CLASP1: variants seen among roughly 807,000 people sequenced by gnomAD.
CLASP1 encodes the protein cytoplasmic linker associated protein 1.
In CLASP1, 38 loss-of-function variants were observed where a neutral mutation model predicts 192.3. That is an observed-to-expected ratio of 0.20 (90% CI 0.15 to 0.26). The LOEUF (loss-of-function observed/expected upper bound fraction) is 0.26. Among genes scored for constraint, CLASP1 ranks in the 10% least tolerant of loss-of-function variants. CLASP1 has a pLI of 1.00. For synonymous variants in CLASP1, 691 were observed against 712.8 expected (o/e 0.97, Z 0.49); for missense variants, 1,433 against 1,932.5 (o/e 0.74, Z 4.85).
intron 1 of CLASP1, among the ~76,000 whole-genome samples, chr2:121,647,509 A>G (rs2073390762): frequency 6.6e-6 from 1 of 152,240 alleles, no homozygotes. Flanking sequence ...ATCTTGCTCT[A>G]TAAAAAGCAA....
intron 25 of CLASP1, among the ~76,000 whole-genome samples, chr2:121,407,092 C>T (rs750347244): frequency 1.3e-5 from 2 of 151,660 alleles, no homozygotes; most frequent in Non-Finnish European, 2.9e-5. Flanking sequence ...GGTGTACCCC[C>T]GTAGTCCCAG....
chr2:121,597,940 C>T (rs887105635), intron 2 of CLASP1, among the ~76,000 whole-genome samples: 3 of 152,194 alleles, frequency 2.0e-5, no homozygotes, highest in African/African-American at 7.2e-5. Flanking sequence ...ACATTTCATC[C>T]CTTCTCACCT....
At chr2:121,636,187 AT>A (rs1278374771) in intron 1 of CLASP1, among the ~76,000 whole-genome samples, 1 of 151,440 alleles carries the variant, frequency 6.6e-6, no homozygotes, top group Non-Finnish European at 1.5e-5. Context: ...AAACACAAAA[AT>A]TAGCCAGGCA....
rs182298771 is a variant in CLASP1 at position 121,402,213 on chromosome 2, C to T, written c.2734-343G>A. Among the ~76,000 whole-genome samples the T allele has an allele frequency of 2.6e-5, 4 of 152,274 alleles. No individual in the cohort carries two copies. The East Asian group carries it at 7.7e-4, about 29-fold the overall frequency. On this transcript the variant is annotated intron_variant, in intron 26 of 39. Transcript: ENST00000263710. ...ACTATTGTGTAGCTATTGCTTTTCA[C>T]GTCAGACATTTTGATGTATACCAAT... is the stretch of plus-strand genomic sequence containing the variant.
At chr2:121,441,767 A>G (rs2083390947) in intron 19 of CLASP1, among the ~76,000 whole-genome samples, 1 of 152,124 alleles carries the variant, frequency 6.6e-6, no homozygotes, top group South Asian at 2.1e-4. Context: ...AATTTCCTTC[A>G]TATTTTAAAA....
intron 3 of CLASP1, among the ~76,000 whole-genome samples, chr2:121,529,990 G>A (rs1050186763): frequency 3.9e-5 from 6 of 152,026 alleles, no homozygotes; most frequent in Admixed American, 2.6e-4. Flanking sequence ...ATGGGGGAGG[G>A]TAAGGGCGCC....
intron 33 of CLASP1, among the ~76,000 whole-genome samples, chr2:121,381,494 G>T (rs1295803060): frequency 1.3e-5 from 2 of 152,134 alleles, no homozygotes; most frequent in East Asian, 3.9e-4. Context: ...GTACTATGTG[G>T]ACCCTTCTTT....
intron 19 of CLASP1, among the ~76,000 whole-genome samples, chr2:121,432,278 C>G (rs991290471): frequency 6.6e-6 from 1 of 152,146 alleles, no homozygotes; most frequent in African/African-American, 2.4e-5. Context: ...CACCACACAC[C>G]TGGCTAATTT....
In CLASP1 at chr2:121,409,570, T is replaced by C. The variant is rs552787559; in HGVS notation, c.2424+1296A>G. 2.6e-5 allele frequency among the ~76,000 whole-genome samples: 4 copies of C among 152,302 alleles called. 1 individual carries two copies. Among genetic ancestry groups the C allele is most frequent in the South Asian group, 2.1e-4 (1 of 4,826 alleles). On this transcript the variant is annotated intron_variant, in intron 24 of 39. Coordinates refer to ENST00000263710, the Ensembl canonical transcript of CLASP1. ...AACTCTCAAGTCCTATTCCGCCTCC[T>C]AGAACTTTACACACAGTCCCTTATG...
intron 8 of CLASP1, among the ~76,000 whole-genome samples, chr2:121,500,362 AAG>A (rs1232262473): frequency 2.3e-5 from 3 of 132,286 alleles, no homozygotes; most frequent in Admixed American, 7.3e-5. Flanking sequence ...GAAAGAAAGA[AAG>A]AAAGAAAGAA....
At chr2:121,339,515 C>T (rs1294975736) in exon 40 of CLASP1, 1 of 152,138 alleles carries the variant, frequency 6.6e-6, no homozygotes, top group Admixed American at 6.6e-5. Context: ...TTCCATTTGG[C>T]TTAAGAATTT....
At chr2:121,430,650 A>C (rs1224517347) in intron 19 of CLASP1, among the ~76,000 whole-genome samples, 1 of 152,142 alleles carries the variant, frequency 6.6e-6, no homozygotes, top group African/African-American at 2.4e-5. Flanking sequence ...AAAAAAGTCT[A>C]CCTTCTTAAC....
chr2:121,644,373 G>A (rs939301668), intron 1 of CLASP1, among the ~76,000 whole-genome samples: 1 of 151,936 alleles, frequency 6.6e-6, no homozygotes, highest in African/African-American at 2.4e-5. Context: ...ACAATGGCCG[G>A]GGGCAGTGGG....
intron 1 of CLASP1, among the ~76,000 whole-genome samples, chr2:121,614,622 T>G (rs2066165707): frequency 6.6e-6 from 1 of 152,240 alleles, no homozygotes; most frequent in Non-Finnish European, 1.5e-5. Flanking sequence ...CAATGGGTAT[T>G]TGTAGAATGA....
rs1465813195 is a variant in CLASP1, at chr2:121,382,907, C to T, written c.3375-583G>A. Among the ~76,000 whole-genome samples, 6 of 152,314 alleles carry T rather than the reference C, an allele frequency of 3.9e-5. 1 individual carries two copies. The highest frequency in any genetic ancestry group is 1.4e-4 in the African/African-American group (6 of 41,568). ...CACAAGCTGTTTCCTTCTGAAACAA[C>T]CGTAGCACCACTAGAGGGCTAGCAT... On this transcript the variant is annotated intron_variant, in intron 32 of 39. Coordinates refer to ENST00000263710, the Ensembl canonical transcript of CLASP1.
intron 2 of CLASP1, among the ~76,000 whole-genome samples, chr2:121,555,200 C>A (rs908529849): frequency 6.6e-5 from 10 of 152,178 alleles, no homozygotes; most frequent in Admixed American, 2.6e-4. Context: ...CCTGGATGTG[C>A]TGTGCTCTCG....
At chr2:121,470,161 T>C (rs553396053) in intron 8 of CLASP1, 37 of 647,570 alleles carry the variant, frequency 5.7e-5, no homozygotes, top group African/African-American at 4.5e-4. Context: ...ATACTTGCTT[T>C]CACATACCCA....
intron 1 of CLASP1, among the ~76,000 whole-genome samples, chr2:121,615,783 C>T (rs1033316163): frequency 1.3e-5 from 2 of 150,654 alleles, no homozygotes; most frequent in Admixed American, 6.6e-5. Context: ...GACTCTGTCT[C>T]AAAAAAAATA....
intron 32 of CLASP1, among the ~76,000 whole-genome samples, chr2:121,384,117 T>C (rs1293741047): frequency 7.3e-6 from 1 of 137,528 alleles, no homozygotes; most frequent in African/African-American, 2.6e-5. Context: ...TGTATATATA[T>C]ATACACACAT....
Sources: allele counts gnomAD v4.1 joint callset (sites outside exome capture counted in the v4.1 genomes callset), GRCh38; gene constraint gnomAD v4.1.1; transcripts MANE v1.5; gene names NCBI Gene and HGNC (gene_info 2026-07-23, HGNC 2026-07-21).